The following SKAP1 variants were observed in gnomAD, a reference collection of about 807,000 sequenced individuals.
The protein encoded by SKAP1 is src kinase-associated phosphoprotein 1.
A neutral mutation model predicts 58.5 loss-of-function variants in SKAP1; 44 were observed. The observed-to-expected ratio is 0.75, with a 90% CI of 0.59 to 0.97. The LOEUF is 0.97. Among genes scored for constraint, SKAP1 ranks in the 50% least tolerant of loss-of-function variants. The pLI is 0.00. For missense variants in SKAP1, 390 were observed against 435.2 expected (o/e 0.90, Z 0.92); for synonymous variants, 127 against 149.7 (o/e 0.85, Z 1.11).
chr17:48,405,441 C>CTTTCTTTCT (rs1273023456), intron 1 of SKAP1, among the ~76,000 whole-genome samples: 2 of 78,484 alleles, frequency 2.5e-5, no homozygotes, highest in African/African-American at 1.0e-4. Flanking sequence ...TTCTTTCTTT[C>CTTTCTTTCT]TTTCTTTCTT....
intron 4 of SKAP1, among the ~76,000 whole-genome samples, chr17:48,239,992 C>T (rs943796767): frequency 2.0e-5 from 3 of 151,972 alleles, no homozygotes; most frequent in African/African-American, 7.3e-5. Context: ...ATGTTAAAGA[C>T]CAAAGGTGGA....
At chr17:48,353,499 A>G (rs8077763) in intron 3 of SKAP1, among the ~76,000 whole-genome samples, 93,954 of 152,048 alleles carry the variant, frequency 0.62, 29,790 homozygotes, top group African/African-American at 0.76. Flanking sequence ...CAATCCTGAT[A>G]CATTTTGGGG....
intron 4 of SKAP1, among the ~76,000 whole-genome samples, chr17:48,257,379 C>G (rs1436500873): frequency 6.6e-6 from 1 of 152,076 alleles, no homozygotes; most frequent in East Asian, 1.9e-4. Flanking sequence ...TTACTACAAA[C>G]ACAAATCTTA....
At chr17:48,399,779 T>TAAG (rs2067472336) in intron 1 of SKAP1, among the ~76,000 whole-genome samples, 1 of 149,572 alleles carries the variant, frequency 6.7e-6, no homozygotes, top group Admixed American at 6.7e-5. Flanking sequence ...AAAAAAAAAT[T>TAAG]AAAAAGAAAA....
At chr17:48,398,287 T>G (rs2067447157) in intron 1 of SKAP1, among the ~76,000 whole-genome samples, 2 of 152,122 alleles carry the variant, frequency 1.3e-5, no homozygotes, top group African/African-American at 4.8e-5. Context: ...AACCCTATTG[T>G]GAACTGTGTA....
chr17:48,211,447 T>G (rs763271247), intron 4 of SKAP1, among the ~76,000 whole-genome samples: 6 of 152,220 alleles, frequency 3.9e-5, no homozygotes, highest in Admixed American at 2.0e-4. Context: ...TGGGATAAAT[T>G]GTTTCAGCCA....
chr17:48,321,382 T>C (rs1426264470), intron 4 of SKAP1, among the ~76,000 whole-genome samples: 1 of 143,098 alleles, frequency 7.0e-6, no homozygotes, highest in African/African-American at 2.7e-5. Flanking sequence ...ATTATTATTA[T>C]TATTATTATT....
chr17:48,429,118 C>A (rs561418544), intron 1 of SKAP1, among the ~76,000 whole-genome samples: 180 of 152,294 alleles, frequency 1.2e-3, no homozygotes, highest in African/African-American at 4.1e-3. Context: ...CTGCCCAAAG[C>A]AGGCCGTCTG....
rs141286969 is a variant in SKAP1 at position 48,201,536 on chromosome 17, G to A, written c.281-12036C>T. On this transcript the variant is annotated intron_variant, in intron 4 of 12. Coordinates refer to ENST00000336915, the MANE Select transcript of SKAP1 (RefSeq NM_003726.4). The stretch of plus-strand genomic sequence containing the variant: ...TAGCTTGGACTACTTGGTGTGCACC[G>A]CCACACTTGGCTAATTTATTTCTTA... Among the ~76,000 whole-genome samples the A allele has an allele frequency of 3.0e-3, 458 of 152,018 alleles. 2 individuals are homozygous for A. Among genetic ancestry groups the A allele is most frequent in the East Asian group, 0.024 (122 of 5,154 alleles).
chr17:48,406,811 C>T (rs2067593039), intron 1 of SKAP1, among the ~76,000 whole-genome samples: 1 of 152,076 alleles, frequency 6.6e-6, no homozygotes, highest in South Asian at 2.1e-4. Context: ...AGTGATCCGC[C>T]CGCCTCGGCC....
chr17:48,246,475 C>G (rs2065298278), intron 4 of SKAP1, among the ~76,000 whole-genome samples: 1 of 152,180 alleles, frequency 6.6e-6, no homozygotes, highest in Admixed American at 6.5e-5. Flanking sequence ...AGCAGAGGTT[C>G]TCTCATTCAA....
intron 4 of SKAP1, among the ~76,000 whole-genome samples, chr17:48,202,115 A>G (rs1213722889): frequency 1.3e-5 from 2 of 152,246 alleles, no homozygotes; most frequent in African/African-American, 4.8e-5. Flanking sequence ...TATCCAAAGC[A>G]AAAGATTTAA....
intron 3 of SKAP1, among the ~76,000 whole-genome samples, chr17:48,349,626 T>C (rs1179328735): frequency 6.6e-6 from 1 of 152,168 alleles, no homozygotes; most frequent in Non-Finnish European, 1.5e-5. Flanking sequence ...GTCATAAGAA[T>C]TGGGCGTTAG....
chr17:48,252,002 T>C (rs746718234), intron 4 of SKAP1, among the ~76,000 whole-genome samples: 15 of 152,190 alleles, frequency 9.9e-5, no homozygotes, highest in Non-Finnish European at 1.9e-4. Context: ...TAAGTATTCA[T>C]TTAACATTTA....
intron 4 of SKAP1, among the ~76,000 whole-genome samples, chr17:48,228,386 T>A (rs1014832664): frequency 1.3e-5 from 2 of 152,230 alleles, no homozygotes; most frequent in African/African-American, 4.8e-5. Flanking sequence ...TAGCCTGAAA[T>A]GTTTTCTGAC....
upstream of SKAP1, among the ~76,000 whole-genome samples, chr17:48,433,020 G>A (rs1011733901): frequency 6.6e-5 from 10 of 152,234 alleles, no homozygotes; most frequent in Admixed American, 4.6e-4. Flanking sequence ...GTGACTGGCA[G>A]ATTCCAATAC....
intron 4 of SKAP1, among the ~76,000 whole-genome samples, chr17:48,267,051 G>T (rs1205611438): frequency 6.6e-6 from 1 of 151,900 alleles, no homozygotes; most frequent in East Asian, 1.9e-4. Flanking sequence ...ATTTTATCAT[G>T]AAAAAAATGT....
intron 7 of SKAP1, 89 bp downstream of exon 7, chr17:48,184,634 G>A: frequency 2.0e-6 from 3 of 1,537,360 alleles, no homozygotes; most frequent in Admixed American, 1.7e-5. Flanking sequence ...AAGAAAGGCT[G>A]GAACCCAGCA....
intron 2 of SKAP1, among the ~76,000 whole-genome samples, chr17:48,392,879 T>TA (rs1567896437): frequency 2.3e-3 from 301 of 129,438 alleles, no homozygotes; most frequent in African/African-American, 8.0e-3. Flanking sequence ...ATATATATAT[T>TA]TTTTTTTTCT....
Sources: gnomAD v4.1 joint callset for allele counts (sites outside exome capture counted in the v4.1 genomes callset) on GRCh38, gnomAD v4.1.1 for gene constraint, MANE v1.5 for transcripts, NCBI Gene and HGNC (gene_info 2026-07-23, HGNC 2026-07-21) for gene names.